Variants in FNDC3B observed in about 807,000 individuals in gnomAD.
FNDC3B encodes fibronectin type III domain-containing protein 3B.
FNDC3B carries 12 observed loss-of-function variants against 151.5 expected under a neutral mutation model. The ratio of observed to expected loss-of-function variants is 0.08; its 90% CI spans 0.05 to 0.13. The LOEUF is 0.13. Ranked by LOEUF, FNDC3B falls within the 10% of genes least tolerant of loss-of-function variation. FNDC3B has a pLI of 1.00. For synonymous variants in FNDC3B, 528 were observed against 549.0 expected (o/e 0.96, Z 0.54); for missense variants, 1,214 against 1,505.3 (o/e 0.81, Z 3.20).
intron 1 of FNDC3B, among the ~76,000 whole-genome samples, chr3:172,066,535 A>T (rs2108480192): frequency 6.6e-6 from 1 of 152,342 alleles, no homozygotes; most frequent in African/African-American, 2.4e-5. Flanking sequence ...AGGCTTCAGG[A>T]AATAAAGCTC....
chr3:172,279,072 C>A (rs1313098373), intron 6 of FNDC3B, among the ~76,000 whole-genome samples: 3 of 152,134 alleles, frequency 2.0e-5, no homozygotes, highest in African/African-American at 7.2e-5. Context: ...TATTTCAGTT[C>A]ATTAAAGACC....
chr3:172,274,333 T>A (rs976066375), intron 6 of FNDC3B, among the ~76,000 whole-genome samples: 2 of 152,168 alleles, frequency 1.3e-5, no homozygotes, highest in Non-Finnish European at 2.9e-5. Context: ...GATTTGTTTA[T>A]CTTAAGTAGA....
chr3:172,154,436 G>C (rs572134786), intron 3 of FNDC3B, among the ~76,000 whole-genome samples: 21 of 152,304 alleles, frequency 1.4e-4, no homozygotes, highest in African/African-American at 4.8e-4. Flanking sequence ...GGATGGTCCT[G>C]ACCTCGTGAT....
chr3:172,371,500 A>G (rs1161469189), intron 23 of FNDC3B, among the ~76,000 whole-genome samples: 1 of 152,246 alleles, frequency 6.6e-6, no homozygotes, highest in Non-Finnish European at 1.5e-5. Flanking sequence ...TTTCAAGAAG[A>G]TATTACAGTC....
At chr3:172,372,778 T>C (rs1280935297) in intron 23 of FNDC3B, among the ~76,000 whole-genome samples, 2 of 152,170 alleles carry the variant, frequency 1.3e-5, no homozygotes, top group Non-Finnish European at 2.9e-5. Flanking sequence ...GTGCAGAGTT[T>C]GGGGCCATTG....
At chr3:172,289,165 C>CA (rs1391653320) in intron 7 of FNDC3B, among the ~76,000 whole-genome samples, 2 of 152,220 alleles carry the variant, frequency 1.3e-5, no homozygotes, top group Non-Finnish European at 2.9e-5. Flanking sequence ...GGCTTTGGGA[C>CA]AAAATCTGTT....
chr3:172,232,114 C>T (rs563936346), intron 4 of FNDC3B, among the ~76,000 whole-genome samples: 1 of 152,162 alleles, frequency 6.6e-6, no homozygotes, highest in South Asian at 2.1e-4. Flanking sequence ...CTCCTGACTT[C>T]AAGTGATTCA....
intron 7 of FNDC3B, among the ~76,000 whole-genome samples, chr3:172,294,631 G>A (rs1186339274): frequency 6.6e-6 from 1 of 152,222 alleles, no homozygotes; most frequent in Non-Finnish European, 1.5e-5. Flanking sequence ...CAGGAAGGAA[G>A]CCCATGCGGG....
In FNDC3B at chr3:172,343,005, C is replaced by T. The variant is rs200065668; in HGVS notation, c.1972-6C>T. On this transcript the variant is annotated splice_polypyrimidine_tract_variant and splice_region_variant and intron_variant, in intron 17 of 25. Transcript: ENST00000415807. The stretch of plus-strand genomic sequence containing the variant: ...GAGATGGTTCTCTCTGGTGTTTCTC[C>T]TGCAGTGTTCTGAAAGTCTCCCTGT... 1 of 1,564,582 alleles carries T rather than the reference C, an allele frequency of 6.4e-7. No individual in the cohort carries two copies. The highest frequency in any genetic ancestry group is 1.1e-5 in the South Asian group (1 of 90,062).
chr3:172,208,284 A>T (rs1232943902), intron 3 of FNDC3B, among the ~76,000 whole-genome samples: 1 of 152,202 alleles, frequency 6.6e-6, no homozygotes, highest in East Asian at 1.9e-4. Flanking sequence ...TTGAACTTTA[A>T]TTTACTGTGC....
chr3:172,375,805 C>T (rs1735104848), intron 23 of FNDC3B, among the ~76,000 whole-genome samples: 1 of 152,162 alleles, frequency 6.6e-6, no homozygotes, highest in Non-Finnish European at 1.5e-5. Flanking sequence ...CTCCTCTTCT[C>T]AGCTCCCTTC....
intron 11 of FNDC3B, among the ~76,000 whole-genome samples, chr3:172,315,479 T>C (rs968234776): frequency 6.6e-6 from 1 of 152,216 alleles, no homozygotes; most frequent in African/African-American, 2.4e-5. Flanking sequence ...CTTGAGAAGG[T>C]GTGGCCATTC....
intron 3 of FNDC3B, among the ~76,000 whole-genome samples, chr3:172,183,780 A>G (rs1724040714): frequency 6.6e-6 from 1 of 151,976 alleles, no homozygotes; most frequent in South Asian, 2.1e-4. Context: ...CTTCCCTTCC[A>G]CTCTGGAAAT....
At chr3:172,271,792 T>C (rs1429312155) in intron 6 of FNDC3B, among the ~76,000 whole-genome samples, 1 of 152,202 alleles carries the variant, frequency 6.6e-6, no homozygotes, top group Admixed American at 6.5e-5. Flanking sequence ...GGCTCTGCTT[T>C]GAGAATTATT....
rs780438554 is a variant in FNDC3B at position 172,362,857 on chromosome 3, G to T, written c.3008+12G>T. 6.3e-7 allele frequency: 1 copy of T among 1,599,344 alleles called. No individual in the cohort carries two copies. The highest frequency in any genetic ancestry group is 8.6e-7 in the Non-Finnish European group (1 of 1,168,638). On this transcript the variant is annotated intron_variant, in intron 23 of 25. Coordinates refer to ENST00000415807, the MANE Select transcript of FNDC3B (RefSeq NM_022763.4). ...GACAGAAACAAGAGGTGAGGTGGGGGTGAGGATGCTCCTGAAGCTTCTGTA... is the reference window on the plus strand; with the variant it reads ...GACAGAAACAAGAGGTGAGGTGGGGTTGAGGATGCTCCTGAAGCTTCTGTA...
chr3:172,273,436 A>G (rs991691980), intron 6 of FNDC3B, among the ~76,000 whole-genome samples: 3 of 152,172 alleles, frequency 2.0e-5, no homozygotes, highest in Admixed American at 6.5e-5. Context: ...TGCTCCCTGT[A>G]TATTCCCCGC....
chr3:172,190,679 T>C (rs1271505853), intron 3 of FNDC3B, among the ~76,000 whole-genome samples: 1 of 150,346 alleles, frequency 6.7e-6, no homozygotes, highest in Non-Finnish European at 1.5e-5. Flanking sequence ...TTTTGTTTTG[T>C]TTTTTTGAGA....
intron 9 of FNDC3B, among the ~76,000 whole-genome samples, chr3:172,304,029 A>G (rs559618400): frequency 2.6e-5 from 4 of 152,226 alleles, no homozygotes; most frequent in African/African-American, 9.6e-5. Flanking sequence ...AGCCAACTCC[A>G]TCTGGCCCAT....
chr3:172,071,858 G>C (rs1006184231), intron 1 of FNDC3B, among the ~76,000 whole-genome samples: 5 of 151,964 alleles, frequency 3.3e-5, no homozygotes, highest in Admixed American at 6.6e-5. Context: ...ATGGTCTTAC[G>C]AGGATAGATG....
Sources: gnomAD v4.1 joint callset for allele counts (sites outside exome capture counted in the v4.1 genomes callset) on GRCh38, gnomAD v4.1.1 for gene constraint, MANE v1.5 for transcripts, NCBI Gene and HGNC (gene_info 2026-07-23, HGNC 2026-07-21) for gene names.